Variants in MACF1 observed in about 807,000 individuals in gnomAD.
MACF1 encodes the protein microtubule-actin cross-linking factor 1.
MACF1 carries 193 observed loss-of-function variants against 854.8 expected under a neutral mutation model. The ratio of observed to expected loss-of-function variants is 0.23; its 90% CI spans 0.20 to 0.25. MACF1 has a LOEUF of 0.25. Among genes scored for constraint, MACF1 ranks in the 10% least tolerant of loss-of-function variants. The pLI is 1.00. For missense variants in MACF1, 7,722 were observed against 8,929.1 expected (o/e 0.86, Z 5.45); for synonymous variants, 3,185 against 3,226.7 (o/e 0.99, Z 0.44).
chr1:39,393,276 G>C (rs965653056), intron 58 of MACF1, among the ~76,000 whole-genome samples: 3 of 143,608 alleles, frequency 2.1e-5, no homozygotes, highest in Non-Finnish European at 4.5e-5. Context: ...AATTCCCTAC[G>C]TAGGTTTTAC....
chr1:39,452,851 A>G, intron 87 of MACF1, 39 bp downstream of exon 87: 1 of 1,605,862 alleles, frequency 6.2e-7, no homozygotes, highest in Non-Finnish European at 8.5e-7. Context: ...CATGCTACCT[A>G]CCACCTTGAG....
At chr1:39,092,507 G>A (rs1028251032) in intron 2 of MACF1, among the ~76,000 whole-genome samples, 5 of 152,192 alleles carry the variant, frequency 3.3e-5, no homozygotes, top group African/African-American at 4.8e-5. Context: ...AAATAATGGA[G>A]CTGGGATTCA....
chr1:39,229,583 T>C (rs567444944), intron 1 of MACF1, among the ~76,000 whole-genome samples: 1 of 151,748 alleles, frequency 6.6e-6, no homozygotes, highest in Non-Finnish European at 1.5e-5. Context: ...TATGGAAGAG[T>C]CAAGCAGCGG....
At chr1:39,420,776 C>G (rs1284976729) in intron 58 of MACF1, among the ~76,000 whole-genome samples, 5 of 152,062 alleles carry the variant, frequency 3.3e-5, no homozygotes, top group Non-Finnish European at 7.4e-5. Context: ...ATTGACTCAC[C>G]TGGCTCATGG....
intron 2 of MACF1, among the ~76,000 whole-genome samples, chr1:39,111,603 G>C (rs1217414279): frequency 6.6e-6 from 1 of 151,950 alleles, no homozygotes; most frequent in Admixed American, 6.6e-5. Flanking sequence ...GGATGGTCTC[G>C]ATCTTCTGAC....
intron 92 of MACF1, among the ~76,000 whole-genome samples, chr1:39,461,384 A>G (rs1415425604): frequency 6.6e-6 from 1 of 152,186 alleles, no homozygotes; most frequent in Non-Finnish European, 1.5e-5. Context: ...CTTTTGGTAT[A>G]TTTGAAATGG....
chr1:39,146,336 G>A (rs537879808), intron 2 of MACF1, among the ~76,000 whole-genome samples: 3 of 151,952 alleles, frequency 2.0e-5, no homozygotes, highest in Non-Finnish European at 4.4e-5. Context: ...CCAGCTACTC[G>A]GGAGGCTGAG....
rs1307962270 is a variant in MACF1, at chr1:39,379,248, A to G, written c.13322A>G (p.Tyr4441Cys). Residue 4441 changes from tyrosine (Y) to cysteine (C), a missense_variant, in exon 54 of 101, where the codon TAT (tyrosine) becomes TGT (cysteine). By Grantham distance (194) the Tyr-to-Cys change is radical (BLOSUM62 -2). Transcript: ENST00000564288. ...QCDMSDVNLKYEKLGGVLHER... is the reference protein window; with the variant it reads ...QCDMSDVNLKCEKLGGVLHER... The stretch of plus-strand genomic sequence containing the variant: ...GACATGTCAGATGTAAACTTGAAGT[A>G]TGAGAAACTAGGGGGAGTACTTCAT... The G allele has an allele frequency of 2.5e-6, 4 of 1,611,814 alleles. No homozygotes were observed.
rs75347120 is a variant in MACF1, at chr1:39,084,606, C to T, written c.220+168C>T. On this transcript the variant is annotated intron_variant, in intron 2 of 93. Transcript: ENST00000361689. The surrounding 1 kb of genome is among the most constrained non-coding windows in gnomAD (Gnocchi z 5.2). ...TGGAAAGACGTTGAAATAACATTAA[C>T]GAAAAACTCAAAAGAGGAAAATCTG... Among the ~76,000 whole-genome samples, 3,134 of 152,224 alleles carry T rather than the reference C, an allele frequency of 0.021. 55 individuals are homozygous for T. Among genetic ancestry groups the T allele is most frequent in the Non-Finnish European group, 0.034 (2,338 of 68,004 alleles).
intron 1 of MACF1, among the ~76,000 whole-genome samples, chr1:39,207,845 A>T (rs940197991): frequency 6.6e-6 from 1 of 152,104 alleles, no homozygotes; most frequent in African/African-American, 2.4e-5. Flanking sequence ...GAAATAAACC[A>T]GATGCTGGCT....
chr1:39,269,570 C>T (rs1210652866), intron 6 of MACF1: 23 of 1,289,638 alleles, frequency 1.8e-5, no homozygotes, highest in Non-Finnish European at 2.1e-5. Flanking sequence ...GCATTTTGCC[C>T]TCCTCCTCTG....
chr1:39,435,796 G>T (rs1570069783), intron 70 of MACF1, 35 bp downstream of exon 70: 2 of 1,595,468 alleles, frequency 1.3e-6, no homozygotes, highest in Non-Finnish European at 1.7e-6. Flanking sequence ...ACCTTGAATT[G>T]TCTACTGTTC....
At chr1:39,175,821 G>T (rs1644015755) in intron 2 of MACF1, among the ~76,000 whole-genome samples, 1 of 151,252 alleles carries the variant, frequency 6.6e-6, no homozygotes, top group South Asian at 2.1e-4. Context: ...GGTGTGGCCA[G>T]GTGCAGTGGC....
intron 6 of MACF1, among the ~76,000 whole-genome samples, chr1:39,281,904 T>C (rs182327854): frequency 6.6e-6 from 1 of 152,362 alleles, no homozygotes; most frequent in East Asian, 1.9e-4. Flanking sequence ...AGAGAAGTTA[T>C]GCCATTTTAT....
At chr1:39,110,363 A>G (rs1157692741) in intron 2 of MACF1, among the ~76,000 whole-genome samples, 2 of 151,230 alleles carry the variant, frequency 1.3e-5, no homozygotes, top group African/African-American at 2.4e-5. Context: ...CAGCCTCCCA[A>G]GTAGCTGGGA....
chr1:39,477,090 T>TACACACAC (rs10563248), intron 97 of MACF1, among the ~76,000 whole-genome samples: 2 of 26,256 alleles, frequency 7.6e-5, no homozygotes, highest in African/African-American at 2.6e-4. Flanking sequence ...TATATATATA[T>TACACACAC]ACACACACAC....
At chr1:39,273,231 G>A (rs905049768) in intron 6 of MACF1, among the ~76,000 whole-genome samples, 1 of 150,934 alleles carries the variant, frequency 6.6e-6, no homozygotes, top group Non-Finnish European at 1.5e-5. Context: ...CTGCCTCCCG[G>A]GTTCCAGCTA....
intron 91 of MACF1, chr1:39,459,780 TA>T: frequency 1.6e-6 from 2 of 1,289,470 alleles, no homozygotes; most frequent in Admixed American, 2.4e-5. Flanking sequence ...AACAAGCCTC[TA>T]ATATCTTTTG....
At chr1:39,280,725 G>A (rs570447500) in intron 6 of MACF1, among the ~76,000 whole-genome samples, 7 of 152,016 alleles carry the variant, frequency 4.6e-5, no homozygotes, top group African/African-American at 1.2e-4. Flanking sequence ...CTACAGGTGC[G>A]TGCCACCATG....
Sources: allele counts gnomAD v4.1 joint callset (sites outside exome capture counted in the v4.1 genomes callset), GRCh38; gene constraint gnomAD v4.1.1; non-coding constraint Gnocchi (gnomAD v3.1); transcripts MANE v1.5; gene names NCBI Gene and HGNC (gene_info 2026-07-23, HGNC 2026-07-21).